PAK5: variants seen among roughly 807,000 people sequenced by gnomAD.
PAK5 encodes the protein p21 (RAC1) activated kinase 5, also known as serine/threonine-protein kinase PAK 5.
In PAK5, 16 loss-of-function variants were observed where a neutral mutation model predicts 65.9. The ratio of observed to expected loss-of-function variants is 0.24; its 90% confidence interval spans 0.16 to 0.37. PAK5 has a LOEUF of 0.37. Among genes scored for constraint, PAK5 ranks in the 10% least tolerant of loss-of-function variants. PAK5 has a pLI of 1.00. For synonymous variants in PAK5, 371 were observed against 354.9 expected (o/e 1.05, Z -0.51); for missense variants, 785 against 903.9 (o/e 0.87, Z 1.69).
chr20:9,570,604 T>C (rs985925699), intron 4 of PAK5, among the ~76,000 whole-genome samples: 7 of 124,004 alleles, frequency 5.6e-5, no homozygotes, highest in Admixed American at 5.1e-4. Context: ...ATTAGTCAAG[T>C]CTAGGCTAGT....
chr20:9,774,077 T>C (rs558004656), intron 1 of PAK5, among the ~76,000 whole-genome samples: 1 of 152,138 alleles, frequency 6.6e-6, no homozygotes. Context: ...CCGCTTACTA[T>C]GGTAAATGCT....
At position 9,566,058 on chromosome 20, in the gene PAK5, C is replaced by T. The variant is rs142658605; in HGVS notation, c.1317G>A (p.Val439=). ...HEQFRAALQL[V]VSPGDPREYL... is the part of the protein sequence containing the mutation. ...ATTCCCTGGGGTCTCCTGGGCTGAC[C>T]ACCAGCTGCAGGGCCGCCCGAAACT... Residue 439 remains valine, a synonymous_variant, in exon 5 of 10, where the codon GTG becomes GTA. Transcript: ENST00000353224. 6.2e-7 allele frequency: 1 copy of T among 1,613,790 alleles called. No homozygotes were observed. The highest frequency in any genetic ancestry group is 1.3e-5 in the African/African-American group (1 of 74,822).
intron 2 of PAK5, among the ~76,000 whole-genome samples, chr20:9,699,717 T>C (rs564479652): frequency 5.9e-5 from 9 of 152,214 alleles, no homozygotes; most frequent in African/African-American, 1.9e-4. Flanking sequence ...GGAACTTGTA[T>C]TTCACAAGTG....
At chr20:9,814,755 A>G (rs1215713918) in intron 1 of PAK5, among the ~76,000 whole-genome samples, 1 of 152,196 alleles carries the variant, frequency 6.6e-6, no homozygotes, top group East Asian at 1.9e-4. Context: ...CCCAAATGCC[A>G]TATTTTGAGC....
At chr20:9,574,919 C>T (rs1307039191) in intron 4 of PAK5, among the ~76,000 whole-genome samples, 1 of 152,096 alleles carries the variant, frequency 6.6e-6, no homozygotes, top group Non-Finnish European at 1.5e-5. Context: ...CCCATTAAAC[C>T]CTGAATGGAT....
At chr20:9,629,339 G>A (rs1190594489) in intron 3 of PAK5, among the ~76,000 whole-genome samples, 1 of 152,180 alleles carries the variant, frequency 6.6e-6, no homozygotes, top group African/African-American at 2.4e-5. Flanking sequence ...AACTGCTATA[G>A]CAAATACCTA....
rs2045208945 is a variant in PAK5, at chr20:9,538,688, TC to T, written c.*773del. ...TGATCTTTAAAAATATTTAACTTTA[TC>T]CCAAGGAGTGGTATACTGTGGCTCA... On this transcript the variant is annotated 3_prime_UTR_variant, in exon 10 of 10. Transcript: ENST00000353224. 4.3e-6 allele frequency: 1 copy of T among 233,290 alleles called. No homozygotes were observed. The highest frequency in any genetic ancestry group is 8.5e-6 in the Non-Finnish European group (1 of 117,904). The allele number at this position is 233,290 out of a possible 1,614,324, so 14.5% of individuals were successfully genotyped here.
chr20:9,626,986 CTTTA>C (rs1321313912), intron 3 of PAK5, among the ~76,000 whole-genome samples: 1 of 152,084 alleles, frequency 6.6e-6, no homozygotes, highest in Non-Finnish European at 1.5e-5. Flanking sequence ...AAAGACAGGT[CTTTA>C]TTTTTTTCTC....
At chr20:9,559,137 T>C (rs575209688) in intron 6 of PAK5, among the ~76,000 whole-genome samples, 156 of 152,290 alleles carry the variant, frequency 1.0e-3, no homozygotes, top group African/African-American at 3.5e-3. Context: ...GCCCTCAAAA[T>C]GACTCATTTA....
In PAK5 at chr20:9,558,198, C is replaced by T. The variant is rs571021635; in HGVS notation, c.1617-464G>A. Among the ~76,000 whole-genome samples the T allele has an allele frequency of 9.2e-5, 14 of 152,090 alleles. No homozygotes were observed. The East Asian group carries it at 2.5e-3, about 27-fold the overall frequency. On this transcript the variant is annotated intron_variant, in intron 6 of 9. Transcript: ENST00000353224. The stretch of plus-strand genomic sequence containing the variant: ...CAATCTCGGCTCACTGCAACCACCA[C>T]CTCCTGGGTCCAAGTGATTCTCTCT...
chr20:9,751,624 A>G (rs1271063968), intron 1 of PAK5, among the ~76,000 whole-genome samples: 1 of 152,184 alleles, frequency 6.6e-6, no homozygotes. Context: ...CTTACGTTGT[A>G]TCAAGTAAGC....
chr20:9,596,837 T>A (rs2123088539), intron 3 of PAK5, among the ~76,000 whole-genome samples: 2 of 152,196 alleles, frequency 1.3e-5, no homozygotes, highest in East Asian at 3.9e-4. Context: ...CCTAATGCAG[T>A]GCGTATTAAA....
intron 1 of PAK5, among the ~76,000 whole-genome samples, chr20:9,749,384 T>G (rs1471614776): frequency 2.0e-5 from 3 of 152,142 alleles, no homozygotes; most frequent in African/African-American, 7.2e-5. Flanking sequence ...ATATCTGATA[T>G]TTGAATGTAT....
At chr20:9,754,800 T>G (rs1359809630) in intron 1 of PAK5, among the ~76,000 whole-genome samples, 1 of 152,216 alleles carries the variant, frequency 6.6e-6, no homozygotes, top group Non-Finnish European at 1.5e-5. Flanking sequence ...TTGGAGGTTA[T>G]AAGCAAGATG....
At chr20:9,746,553 G>A (rs934730438) in intron 1 of PAK5, among the ~76,000 whole-genome samples, 1 of 152,060 alleles carries the variant, frequency 6.6e-6, no homozygotes, top group Non-Finnish European at 1.5e-5. Flanking sequence ...CTAAAGCCGT[G>A]CCATCCAATA....
rs34256527 is a variant in PAK5, at chr20:9,822,290, CAAA to C, written c.-162+16469_-162+16471del. 1.1e-3 allele frequency among the ~76,000 whole-genome samples: 123 copies of C among 116,662 alleles called. 1 individual carries two copies. Among genetic ancestry groups the C allele is most frequent in the Admixed American group, 2.4e-3 (28 of 11,768 alleles). The allele number at this position is 116,662 out of a possible 152,430, so 76.5% of individuals were successfully genotyped here. On this transcript the variant is annotated intron_variant, in intron 1 of 9. Transcript: ENST00000353224. ...GGTAACAACAGAGTGAGATCTGTCT[CAAA>C]AAAAAAAAAAAAAAAGCAATTACAT... is the stretch of plus-strand genomic sequence containing the variant.
chr20:9,575,486 G>C (rs951450251), intron 4 of PAK5: 18 of 152,224 alleles, frequency 1.2e-4, no homozygotes, highest in Admixed American at 9.8e-4. Flanking sequence ...GAGAAAATCT[G>C]GATTATCTTT....
At chr20:9,822,835 C>T (rs1470803022) in intron 1 of PAK5, among the ~76,000 whole-genome samples, 1 of 152,224 alleles carries the variant, frequency 6.6e-6, no homozygotes, top group Non-Finnish European at 1.5e-5. Context: ...CAGCCTTCAA[C>T]TAATGACTGA....
At chr20:9,694,843 T>C (rs1569044393) in intron 2 of PAK5, among the ~76,000 whole-genome samples, 2 of 152,098 alleles carry the variant, frequency 1.3e-5, no homozygotes, top group East Asian at 3.8e-4. Context: ...TTAAAAATAA[T>C]GCTGCCTGAA....
Sources: gnomAD v4.1 joint callset for allele counts (sites outside exome capture counted in the v4.1 genomes callset) on GRCh38, gnomAD v4.1.1 for gene constraint, MANE v1.5 for transcripts, NCBI Gene and HGNC (gene_info 2026-07-23, HGNC 2026-07-21) for gene names.